The following NOMO1 variants were observed in gnomAD, a reference collection of about 807,000 sequenced individuals.
NOMO1 encodes NODAL modulator 1.
NOMO1 carries 40 observed loss-of-function variants against 133.8 expected under a neutral mutation model. The observed-to-expected ratio is 0.30, with a 90% confidence interval of 0.23 to 0.39. The LOEUF is 0.39. Among genes scored for constraint, NOMO1 ranks in the 10% least tolerant of loss-of-function variants. NOMO1 has a pLI of 1.00. For synonymous variants in NOMO1, 236 were observed against 570.5 expected (o/e 0.41, Z 8.36); for missense variants, 462 against 1,419.9 (o/e 0.33, Z 10.84).
chr16:14,838,540 G>A (rs1963556190), intron 2 of NOMO1, 44 bp downstream of exon 2: 3 of 1,611,836 alleles, frequency 1.9e-6, no homozygotes, highest in Admixed American at 1.7e-5. Context: ...AATCACTAGT[G>A]TGCCTCACCA....
intron 27 of NOMO1, among the ~76,000 whole-genome samples, chr16:14,885,662 TG>T (rs1237023541): frequency 1.0e-5 from 1 of 97,720 alleles, no homozygotes; most frequent in African/African-American, 4.0e-5. Flanking sequence ...TTGGGTAGGG[TG>T]GGGGGCAAAC....
chr16:14,874,978 A>G, intron 18 of NOMO1, 58 bp from the exon 19 acceptor site: 1 of 1,612,458 alleles, frequency 6.2e-7, no homozygotes, highest in South Asian at 1.1e-5. Flanking sequence ...TAGAAAGGTC[A>G]AATTCCCACT....
intron 9 of NOMO1, 129 bp from the exon 10 acceptor site, chr16:14,857,088 G>A (rs1249454303): frequency 2.8e-6 from 3 of 1,071,250 alleles, no homozygotes; most frequent in Non-Finnish European, 2.8e-6. Context: ...CAGGACCGGG[G>A]CACTGAGTGT....
chr16:14,863,589 TGGCTA>T lies in NOMO1; in HGVS notation c.1395+406_1395+410del, dbSNP rs1446511474. Among the ~76,000 whole-genome samples the T allele has an allele frequency of 3.1e-4, 23 of 74,352 alleles. No homozygotes were observed. The South Asian group carries it at 0.013, about 41-fold the overall frequency. The allele number at this position is 74,352 out of a possible 152,430, so 48.8% of individuals were successfully genotyped here. A position where few individuals can be genotyped will look rare whatever the true frequency, so the allele number is the denominator to read the frequency against. ...TTCCTGCTTTGCCTTGACTTCAAGA[TGGCTA>T]GGCAGGGACCACGCGACTTATCCAT... On this transcript the variant is annotated intron_variant, in intron 12 of 30. Coordinates refer to ENST00000287667, the MANE Select transcript of NOMO1 (RefSeq NM_014287.4).
chr16:14,867,060 T>A lies in NOMO1; in HGVS notation c.1806+369T>A, dbSNP rs1489839692. 2.2e-5 allele frequency among the ~76,000 whole-genome samples: 3 copies of A among 135,998 alleles called. No homozygotes were observed. In the East Asian group the frequency reaches 6.1e-4, roughly 28 times the overall value. 89.2% of individuals were successfully genotyped at this position (135,998 alleles called of 152,430 possible). A position where few individuals can be genotyped will look rare whatever the true frequency, so the allele number is the denominator to read the frequency against. ...AAATTGAGATCTTAATACCTACTTC[T>A]CAGGGTTATGGCAGGGCTTAAGTGA... On this transcript the variant is annotated intron_variant, in intron 15 of 30. Transcript: ENST00000287667.
At chr16:14,882,770 T>C (rs1277361112) in intron 26 of NOMO1, 93 bp downstream of exon 26, 1 of 1,601,450 alleles carries the variant, frequency 6.2e-7, no homozygotes, top group Non-Finnish European at 8.5e-7. Flanking sequence ...CTTTCATCTG[T>C]GGCGGGGGGA....
At chr16:14,855,560 G>A (rs1388648512) in intron 9 of NOMO1, among the ~76,000 whole-genome samples, 2 of 151,894 alleles carry the variant, frequency 1.3e-5, no homozygotes, top group East Asian at 3.9e-4. Context: ...TGCAGACTCT[G>A]CATTTTAAGA....
At chr16:14,853,718 C>T (rs1406263479) in intron 8 of NOMO1, 114 bp downstream of exon 8, 28 of 1,016,146 alleles carry the variant, frequency 2.8e-5, no homozygotes, top group South Asian at 1.3e-4. Flanking sequence ...TCTCTGAACA[C>T]GCTGTTAAGC....
At chr16:14,846,076 G>C (rs1963676734) in intron 4 of NOMO1, among the ~76,000 whole-genome samples, 1 of 141,002 alleles carries the variant, frequency 7.1e-6, no homozygotes, top group Admixed American at 7.0e-5. Flanking sequence ...GCCCAGGCTG[G>C]AGTGCAGTGG....
At chr16:14,855,969 AT>A (rs1963827558) in intron 9 of NOMO1, among the ~76,000 whole-genome samples, 1 of 152,000 alleles carries the variant, frequency 6.6e-6, no homozygotes, top group African/African-American at 2.4e-5. Flanking sequence ...CTAAGAAACC[AT>A]TTGCTGAAAA....
chr16:14,868,732 C>T, intron 16 of NOMO1, 97 bp downstream of exon 16: 1 of 756,400 alleles, frequency 1.3e-6, no homozygotes, highest in Non-Finnish European at 2.3e-6. Flanking sequence ...GTTCTGTTTG[C>T]ATCAAGCTTT....
intron 18 of NOMO1, among the ~76,000 whole-genome samples, chr16:14,873,304 A>C (rs1446290296): frequency 8.6e-6 from 1 of 115,670 alleles, no homozygotes; most frequent in Non-Finnish European, 2.1e-5. Context: ...TTCTTCCTGA[A>C]AGGTCCCCCT....
intron 22 of NOMO1, among the ~76,000 whole-genome samples, chr16:14,878,242 C>G (rs1161221173): frequency 3.1e-5 from 4 of 128,574 alleles, no homozygotes; most frequent in Admixed American, 8.0e-5. Flanking sequence ...GCCTCTAATC[C>G]CAGCACTTTG....
At chr16:14,855,626 G>C (rs1481884004) in intron 9 of NOMO1, among the ~76,000 whole-genome samples, 4 of 152,004 alleles carry the variant, frequency 2.6e-5, no homozygotes, top group Non-Finnish European at 5.9e-5. Context: ...AGAAGGGTAA[G>C]AAGATGAAGC....
rs766668162 is a variant in NOMO1 at position 14,875,142 on chromosome 16, A to T, written c.2161A>T (p.Arg721Trp). 3 of 1,613,660 alleles carry T rather than the reference A, an allele frequency of 1.9e-6. No homozygotes were observed. The highest frequency in any genetic ancestry group is 1.7e-6 in the Non-Finnish European group (2 of 1,179,856). The change falls in exon 19 of 31, where the codon AGG becomes TGG. Residue 721 changes from arginine (R) to tryptophan (W), a missense_variant. Physicochemically the swap from Arg to Trp is moderately radical, Grantham distance 101 (BLOSUM62 -3). Coordinates refer to ENST00000287667, the MANE Select transcript of NOMO1 (RefSeq NM_014287.4). ...TGAGATCGAGGCCCGCAGGCAGGAG[A>T]GGGAGAAAAACGGCAATGAGGAAGG... Reference protein sequence around the residue: ...LAEIEARRQEREKNGNEEGEE... With the variant: ...LAEIEARRQEWEKNGNEEGEE...
At chr16:14,867,621 G>A (rs1490314000) in intron 15 of NOMO1, among the ~76,000 whole-genome samples, 1 of 148,404 alleles carries the variant, frequency 6.7e-6, no homozygotes, top group African/African-American at 2.5e-5. Context: ...GAGCACCTCC[G>A]TAGATCCCTT....
intron 18 of NOMO1, 79 bp from the exon 19 acceptor site, chr16:14,874,957 G>A: frequency 6.4e-7 from 1 of 1,571,462 alleles, no homozygotes; most frequent in South Asian, 1.1e-5. Flanking sequence ...TAACTCGCAA[G>A]TCCATACTCG....
chr16:14,894,886 G>A, intron 29 of NOMO1, 112 bp from the exon 30 acceptor site: 1 of 777,796 alleles, frequency 1.3e-6, no homozygotes. Flanking sequence ...GGGCCCCTGG[G>A]TGTCCTCAAG....
intron 23 of NOMO1, 108 bp downstream of exon 23, chr16:14,878,942 G>A: frequency 1.4e-6 from 2 of 1,461,008 alleles, no homozygotes; most frequent in Middle Eastern, 2.4e-4. Context: ...GAAAGCCAAT[G>A]TGGAGTGGTT....
Sources: gnomAD v4.1 joint callset for allele counts (sites outside exome capture counted in the v4.1 genomes callset) on GRCh38, gnomAD v4.1.1 for gene constraint, MANE v1.5 for transcripts, NCBI Gene and HGNC (gene_info 2026-07-23, HGNC 2026-07-21) for gene names.